GPI: variants seen among roughly 807,000 people sequenced by gnomAD.
GPI encodes glucose-6-phosphate isomerase.
A neutral mutation model predicts 75.8 loss-of-function variants in GPI; 56 were observed. That is an observed-to-expected ratio of 0.74 (90% confidence interval 0.60 to 0.92). The LOEUF is 0.92. GPI is among the 40% of genes least tolerant of loss of function. The pLI is 0.00. For missense variants in GPI, 638 were observed against 741.0 expected (o/e 0.86, Z 1.61); for synonymous variants, 288 against 285.4 (o/e 1.01, Z -0.09).
At chr19:34,378,571 T>TG (rs1458993554) in intron 6 of GPI, among the ~76,000 whole-genome samples, 1 of 152,136 alleles carries the variant, frequency 6.6e-6, no homozygotes, top group African/African-American at 2.4e-5. Context: ...GGGTTTTGTT[T>TG]GTTTTTATTT....
intron 15 of GPI, 74 bp downstream of exon 15, chr19:34,399,409 C>T (rs2074989809): frequency 6.2e-7 from 1 of 1,601,418 alleles, no homozygotes; most frequent in Non-Finnish European, 8.6e-7. Context: ...CAGGCAGGGG[C>T]TTGGGGCGTG....
At chr19:34,368,537 C>CT in intron 3 of GPI, 46 bp from the exon 4 acceptor site, 1 of 1,612,400 alleles carries the variant, frequency 6.2e-7, no homozygotes, top group African/African-American at 1.3e-5. Context: ...GCATGGCTGC[C>CT]TGGGGTTGGG....
Position 34,399,987 on chromosome 19 carries a change from A to G in GPI, c.1628A>G (p.Asn543Ser), listed in dbSNP as rs764328500. The change falls in exon 18 of 18, where the codon AAT becomes AGT. Residue 543 changes from asparagine (N) to serine (S), a missense_variant. Physicochemically the swap from Asn to Ser is conservative, Grantham distance 46. Coordinates refer to ENST00000356487, the MANE Select transcript of GPI (RefSeq NM_000175.5). Reference sequence around the variant, plus strand: ...GTGACCTCTCACGACGCTTCTACCAATGGGCTCATCAACTTCATCAAGCAG... The same window carrying G: ...GTGACCTCTCACGACGCTTCTACCAGTGGGCTCATCAACTTCATCAAGCAG... ...AQVTSHDASTNGLINFIKQQR... is the reference protein window; with the variant it reads ...AQVTSHDASTSGLINFIKQQR... 4.3e-6 allele frequency: 7 copies of G among 1,613,818 alleles called. No individual in the cohort carries two copies. The highest frequency in any genetic ancestry group is 5.9e-6 in the Non-Finnish European group (7 of 1,179,992).
At chr19:34,360,328 C>A (rs1481554281), upstream of GPI, among the ~76,000 whole-genome samples, 1 of 152,174 alleles carries the variant, frequency 6.6e-6, no homozygotes, top group South Asian at 2.1e-4. Flanking sequence ...CACAGTGACG[C>A]ATACCTGTAA....
chr19:34,378,149 A>C (rs1373667376), intron 6 of GPI, among the ~76,000 whole-genome samples: 4 of 152,100 alleles, frequency 2.6e-5, no homozygotes, highest in African/African-American at 9.7e-5. Flanking sequence ...TCAGCCTGGG[A>C]CTGCTCGCCA....
chr19:34,377,697 C>G, intron 5 of GPI, 38 bp from the exon 6 acceptor site: 2 of 1,612,118 alleles, frequency 1.2e-6, no homozygotes, highest in Non-Finnish European at 1.7e-6. Flanking sequence ...TTTCGTGGGC[C>G]CTGAATTCTT....
At position 34,399,574 on chromosome 19, in the gene GPI, C is replaced by G; in HGVS notation, c.1417C>G (p.Pro473Ala). The change falls in exon 16 of 18, where the codon CCA (proline) becomes GCA (alanine). Residue 473 changes from proline to alanine, a missense_variant. By Grantham distance (27) the Pro-to-Ala change is conservative. Transcript: ENST00000356487. ...TCTGCAGGTCTTTGAAGGAAATCGC[C>G]CAACCAACTCTATTGTGTTCACCAA... ...LPHKVFEGNRPTNSIVFTKLT... is the reference protein window; with the variant it reads ...LPHKVFEGNRATNSIVFTKLT... 6.2e-7 allele frequency: 1 copy of G among 1,614,130 alleles called. No homozygotes were observed. The highest frequency in any genetic ancestry group is 8.5e-7 in the Non-Finnish European group (1 of 1,180,018).
chr19:34,374,192 C>A (rs903339174), intron 4 of GPI, among the ~76,000 whole-genome samples: 3 of 147,880 alleles, frequency 2.0e-5, no homozygotes, highest in Non-Finnish European at 4.4e-5. Flanking sequence ...CCATTTTGGC[C>A]AGGCTGGTCT....
At chr19:34,379,118 G>T in intron 7 of GPI, 113 bp downstream of exon 7, 1 of 915,478 alleles carries the variant, frequency 1.1e-6, no homozygotes, top group Non-Finnish European at 1.8e-6. Context: ...AAGTGAAGGC[G>T]GCCTTGCCGG....
chr19:34,366,396 C>T lies in GPI; in HGVS notation c.174C>T (p.Asn58=). The part of the protein sequence containing the change: ...HGHILVDYSK[N]LVTEDVMRML... The stretch of plus-strand genomic sequence containing the variant: ...ATATCCTGGTGGATTACTCCAAGAA[C>T]CTGGTGACGGAGGACGTGATGCGGA... Residue 58 remains asparagine (N), a synonymous_variant, in exon 2 of 18, where the codon AAC becomes AAT. Transcript: ENST00000356487. 1 of 1,613,722 alleles carries T rather than the reference C, an allele frequency of 6.2e-7. No homozygotes were observed. Among genetic ancestry groups the T allele is most frequent in the Non-Finnish European group, 8.5e-7 (1 of 1,179,576 alleles).
intron 4 of GPI, among the ~76,000 whole-genome samples, chr19:34,376,094 G>A (rs965926514): frequency 1.1e-4 from 17 of 152,198 alleles, no homozygotes; most frequent in Admixed American, 2.0e-4. Flanking sequence ...AAAGAGTCTA[G>A]TTGGTGGTGA....
In GPI at chr19:34,385,745, C is replaced by A. The variant is rs182347277; in HGVS notation, c.804+4226C>A. 2.6e-4 allele frequency among the ~76,000 whole-genome samples: 40 copies of A among 152,190 alleles called. 1 individual carries two copies. The East Asian group carries it at 5.8e-3, about 22-fold the overall frequency. On this transcript the variant is annotated intron_variant, in intron 9 of 17. Coordinates refer to ENST00000356487, the MANE Select transcript of GPI (RefSeq NM_000175.5). ...GCCCACAAGGTACAAGCTCAGGAAC[C>A]CTCATCACATGCAGGTAGGGGGTGC...
intron 6 of GPI, 31 bp downstream of exon 6, chr19:34,377,912 G>T: frequency 3.1e-6 from 5 of 1,613,014 alleles, no homozygotes; most frequent in Non-Finnish European, 4.2e-6. Flanking sequence ...CCGGCCCCTG[G>T]CCCTGTGTGT....
intron 4 of GPI, among the ~76,000 whole-genome samples, chr19:34,376,213 C>T (rs909148530): frequency 6.6e-6 from 1 of 152,066 alleles, no homozygotes; most frequent in Non-Finnish European, 1.5e-5. Context: ...TATTTGAGGC[C>T]AGGAGTTAGA....
In GPI at chr19:34,390,784, G is replaced by A. The variant is rs141877740; in HGVS notation, c.805-2464G>A. 3.6e-3 allele frequency among the ~76,000 whole-genome samples: 533 copies of A among 146,066 alleles called. 2 individuals carry two copies. Among genetic ancestry groups the A allele is most frequent in the African/African-American group, 0.013 (507 of 39,266 alleles). On this transcript the variant is annotated intron_variant, in intron 9 of 17. Coordinates refer to ENST00000356487, the MANE Select transcript of GPI (RefSeq NM_000175.5). ...AGGTATGAGGATATGGGTCTTCCAT[G>A]TCTGAGGAGGTAGCACCTGGCACAG...
In GPI at chr19:34,399,908, C is replaced by G; in HGVS notation, c.1549C>G (p.Leu517Val). 6.2e-7 allele frequency: 1 copy of G among 1,614,022 alleles called. No homozygotes were observed. The highest frequency in any genetic ancestry group is 8.5e-7 in the Non-Finnish European group (1 of 1,180,000). ...CCCTTCCCTTCTTGGCAGAGTGGAGCTGGGAAAGCAGCTGGCTAAGAAAAT... is the reference window on the plus strand; with the variant it reads ...CCCTTCCCTTCTTGGCAGAGTGGAGGTGGGAAAGCAGCTGGCTAAGAAAAT... ...INSFDQWGVELGKQLAKKIEP... is the reference protein window; with the variant it reads ...INSFDQWGVEVGKQLAKKIEP... The change falls in exon 18 of 18, where the codon CTG becomes GTG. Residue 517 changes from leucine to valine, a missense_variant. Physicochemically the swap from Leu to Val is conservative, Grantham distance 32. Transcript: ENST00000356487.
chr19:34,372,322 G>A (rs989118653), intron 4 of GPI, among the ~76,000 whole-genome samples: 5 of 152,148 alleles, frequency 3.3e-5, no homozygotes, highest in Non-Finnish European at 5.9e-5. Flanking sequence ...TGTATTGATG[G>A]AAATTTTCCC....
At chr19:34,392,373 C>A (rs2074868016) in intron 9 of GPI, 1 of 14,150 alleles carries the variant, frequency 7.1e-5, no homozygotes, top group Non-Finnish European at 1.5e-4. Flanking sequence ...GTATTAGGAT[C>A]TGGGTCTATG....
At chr19:34,372,994 G>A (rs1465405302) in intron 4 of GPI, among the ~76,000 whole-genome samples, 3 of 151,904 alleles carry the variant, frequency 2.0e-5, no homozygotes, top group Non-Finnish European at 2.9e-5. Flanking sequence ...GGCTGGTCTC[G>A]AACTCCTGAC....
Sources: gnomAD v4.1 joint callset for allele counts (sites outside exome capture counted in the v4.1 genomes callset) on GRCh38, gnomAD v4.1.1 for gene constraint, MANE v1.5 for transcripts, NCBI Gene and HGNC (gene_info 2026-07-23, HGNC 2026-07-21) for gene names.